GTF2A1L: variants seen among roughly 807,000 people sequenced by gnomAD.
GTF2A1L encodes the protein TFIIA-alpha and beta-like factor.
Under a neutral mutation model 49.7 loss-of-function variants are expected in GTF2A1L, and 48 were observed. That is an observed-to-expected ratio of 0.97 (90% CI 0.77 to 1.23). The LOEUF is 1.23. Among genes scored for constraint, GTF2A1L ranks in the 50% most tolerant of loss-of-function variants. The pLI is 0.00. For synonymous variants in GTF2A1L, 246 were observed against 193.5 expected (o/e 1.27, Z -2.25); for missense variants, 736 against 564.8 (o/e 1.30, Z -3.07).
intron 6 of GTF2A1L, among the ~76,000 whole-genome samples, chr2:48,656,165 T>A (rs34625949): frequency 0.14 from 20,947 of 152,004 alleles, 1,683 homozygotes; most frequent in African/African-American, 0.23. Flanking sequence ...TCTCTTCAAA[T>A]TCCTGTCTTT....
At chr2:48,667,470 A>G (rs746804856) in intron 6 of GTF2A1L, among the ~76,000 whole-genome samples, 3 of 152,178 alleles carry the variant, frequency 2.0e-5, no homozygotes, top group Non-Finnish European at 4.4e-5. Context: ...TTAGTATGGT[A>G]GTGGCATTCT....
At chr2:48,649,371 T>C (rs1677718485) in intron 6 of GTF2A1L, among the ~76,000 whole-genome samples, 1 of 152,142 alleles carries the variant, frequency 6.6e-6, no homozygotes, top group African/African-American at 2.4e-5. Context: ...GCCCTAATTG[T>C]TTCTCATGTG....
chr2:48,668,847 A>C (rs1679013223), intron 6 of GTF2A1L, among the ~76,000 whole-genome samples: 1 of 151,978 alleles, frequency 6.6e-6, no homozygotes, highest in Non-Finnish European at 1.5e-5. Flanking sequence ...AAAATAAATA[A>C]ATAAATAAAT....
At chr2:48,630,373 T>C (rs1000334999) in intron 3 of GTF2A1L, among the ~76,000 whole-genome samples, 4 of 143,418 alleles carry the variant, frequency 2.8e-5, no homozygotes, top group African/African-American at 9.9e-5. Flanking sequence ...TATTTTTGTG[T>C]GTGGCTATTG....
At chr2:48,658,675 G>A (rs1175039941) in intron 6 of GTF2A1L, among the ~76,000 whole-genome samples, 1 of 151,998 alleles carries the variant, frequency 6.6e-6, no homozygotes, top group Non-Finnish European at 1.5e-5. Context: ...TTCATAATTA[G>A]GTATTGGTCT....
intron 6 of GTF2A1L, among the ~76,000 whole-genome samples, chr2:48,648,971 A>G (rs1677694833): frequency 6.6e-6 from 1 of 152,168 alleles, no homozygotes; most frequent in African/African-American, 2.4e-5. Flanking sequence ...GCAAGTTATA[A>G]TCAACTATAC....
intron 6 of GTF2A1L, among the ~76,000 whole-genome samples, chr2:48,668,066 G>C (rs1678944661): frequency 6.6e-6 from 1 of 152,074 alleles, no homozygotes; most frequent in African/African-American, 2.4e-5. Flanking sequence ...CCTCTTCATA[G>C]CCCCTGGTAA....
At chr2:48,675,146 CT>C (rs1395664347) in intron 8 of GTF2A1L, among the ~76,000 whole-genome samples, 6 of 152,218 alleles carry the variant, frequency 3.9e-5, no homozygotes, top group Non-Finnish European at 7.4e-5. Context: ...TCAGTAGTCT[CT>C]TTTAGAGCTT....
chr2:48,630,865 G>A (rs867947563), intron 3 of GTF2A1L, among the ~76,000 whole-genome samples: 2 of 152,124 alleles, frequency 1.3e-5, no homozygotes, highest in South Asian at 4.1e-4. Context: ...TGTATATTGA[G>A]ATGATCACAG....
intron 8 of GTF2A1L, among the ~76,000 whole-genome samples, chr2:48,673,562 C>A (rs989164991): frequency 1.7e-4 from 26 of 151,940 alleles, no homozygotes; most frequent in Non-Finnish European, 3.4e-4. Context: ...TGGGGTTTCA[C>A]CGTGTTAGCC....
At chr2:48,650,133 T>C (rs943583555) in intron 6 of GTF2A1L, among the ~76,000 whole-genome samples, 10 of 152,204 alleles carry the variant, frequency 6.6e-5, no homozygotes, top group African/African-American at 2.2e-4. Flanking sequence ...CAAAGATACA[T>C]TGATATGTTC....
At chr2:48,644,960 C>G (rs1180749122) in intron 4 of GTF2A1L, 73 bp from the exon 5 acceptor site, 1 of 1,398,512 alleles carries the variant, frequency 7.2e-7, no homozygotes, top group African/African-American at 1.5e-5. Flanking sequence ...TTTTGACTCC[C>G]TGTGAGATCA....
Position 48,620,834 on chromosome 2 carries a change from C to T in GTF2A1L, c.22-17C>T. On this transcript the variant is annotated splice_polypyrimidine_tract_variant and intron_variant, in intron 1 of 8. Transcript: ENST00000403751. ...ATAAATAAATAAAATGAAACTTTAA[C>T]AATTGCTTTTATGTAGCCTAAACTC... The T allele has an allele frequency of 7.7e-7, 1 of 1,301,782 alleles. No individual in the cohort carries two copies. The highest frequency in any genetic ancestry group is 2.5e-5 in the South Asian group (1 of 40,534). The allele number at this position is 1,301,782 out of a possible 1,614,324, so 80.6% of individuals were successfully genotyped here.
intron 8 of GTF2A1L, among the ~76,000 whole-genome samples, chr2:48,676,395 G>T (rs537027916): frequency 2.6e-5 from 4 of 151,784 alleles, no homozygotes; most frequent in Non-Finnish European, 5.9e-5. Flanking sequence ...GCAAATGTAC[G>T]TGGTTAGGTA....
intron 4 of GTF2A1L, among the ~76,000 whole-genome samples, chr2:48,643,682 A>T (rs1677328049): frequency 6.6e-6 from 1 of 150,454 alleles, no homozygotes; most frequent in Admixed American, 6.7e-5. Context: ...TAGCAAGACC[A>T]TATTAATACA....
chr2:48,676,935 TTC>T (rs1291354155), intron 8 of GTF2A1L, among the ~76,000 whole-genome samples: 1 of 151,658 alleles, frequency 6.6e-6, no homozygotes, highest in Non-Finnish European at 1.5e-5. Flanking sequence ...ATTTTTTTTT[TTC>T]CAGGTGGCTA....
At chr2:48,652,740 A>C (rs545155919) in intron 6 of GTF2A1L, among the ~76,000 whole-genome samples, 12 of 150,554 alleles carry the variant, frequency 8.0e-5, no homozygotes, top group Middle Eastern at 3.5e-3. Context: ...TGTCGCCCAG[A>C]CTGGAGTGCA....
chr2:48,642,536 G>A, intron 4 of GTF2A1L, 79 bp downstream of exon 4: 1 of 1,342,238 alleles, frequency 7.5e-7, no homozygotes, highest in South Asian at 1.6e-5. Context: ...GAACATAGAT[G>A]TAATTTCTTA....
At chr2:48,618,597 C>T (rs576409913) in intron 1 of GTF2A1L, among the ~76,000 whole-genome samples, 3 of 152,212 alleles carry the variant, frequency 2.0e-5, no homozygotes, top group South Asian at 4.1e-4. Flanking sequence ...TTATGGGTTC[C>T]GGGTATTATA....
Sources: gnomAD v4.1 joint callset for allele counts (sites outside exome capture counted in the v4.1 genomes callset) on GRCh38, gnomAD v4.1.1 for gene constraint, MANE v1.5 for transcripts, NCBI Gene and HGNC (gene_info 2026-07-23, HGNC 2026-07-21) for gene names.